Variants in TTN observed in about 807,000 individuals in gnomAD.
TTN encodes the protein titin, also known as connectin.
In TTN, 1,525 loss-of-function variants were observed where a neutral mutation model predicts 3,223.0. The observed-to-expected ratio is 0.47, with a 90% CI of 0.45 to 0.49. The LOEUF (loss-of-function observed/expected upper bound fraction) is 0.49. TTN is among the 20% of genes least tolerant of loss of function. TTN has a pLI of 0.00. For synonymous variants in TTN, 14,094 were observed against 15,161.0 expected (o/e 0.93, Z 5.17); for missense variants, 40,786 against 43,424.0 (o/e 0.94, Z 5.40).
In TTN at chr2:178,565,728, C is replaced by T; in HGVS notation, c.80404G>A (p.Glu26802Lys). Residue 26802 changes from glutamate to lysine, a missense_variant, in exon 326 of 363, where the codon GAG becomes AAG. By Grantham distance (56) the Glu-to-Lys change is moderately conservative (BLOSUM62 1). Coordinates refer to ENST00000589042, the MANE Select transcript of TTN (RefSeq NM_001267550.2). ...CTACCGCCATCATGTTCAGGTTTCT[C>T]CCACATAAGTGATGCACTGGTCTGG... is the stretch of plus-strand genomic sequence containing the variant. ...VSQTSASLMW[E>K]KPEHDGGSRV... is the part of the protein sequence containing the mutation. 1.2e-6 allele frequency: 2 copies of T among 1,613,578 alleles called. No homozygotes were observed. The highest frequency in any genetic ancestry group is 8.5e-7 in the Non-Finnish European group (1 of 1,179,644).
At chr2:178,709,498 A>C in intron 99 of TTN, 68 bp downstream of exon 99, 2 of 1,478,894 alleles carry the variant, frequency 1.4e-6, no homozygotes, top group East Asian at 4.6e-5. Context: ...TATCATAAGA[A>C]ATGCTCATGG....
intron 54 of TTN, 36 bp downstream of exon 54, chr2:178,733,203 A>G (rs1417490875): frequency 1.3e-6 from 2 of 1,558,714 alleles, no homozygotes; most frequent in Non-Finnish European, 1.7e-6. Flanking sequence ...TTGGGTTTCA[A>G]ATGCATATGT....
In TTN at chr2:178,607,488, C is replaced by T; in HGVS notation, c.53200G>A (p.Ala17734Thr). 6.2e-7 allele frequency: 1 copy of T among 1,613,296 alleles called. No homozygotes were observed. The highest frequency in any genetic ancestry group is 1.7e-5 in the Admixed American group (1 of 59,988). Reference protein sequence around the residue: ...GTKSELIIKDALRKDHGRYVI... With the variant: ...GTKSELIIKDTLRKDHGRYVI... Reference sequence around the variant, plus strand: ...TATCTGCCATGGTCTTTTCGCAGTGCATCCTTGATAATTAGTTCAGATTTG... The same window carrying T: ...TATCTGCCATGGTCTTTTCGCAGTGTATCCTTGATAATTAGTTCAGATTTG... Residue 17734 changes from alanine (A) to threonine (T), a missense_variant, in exon 277 of 363, where the codon GCA becomes ACA. Coordinates refer to ENST00000589042, the MANE Select transcript of TTN (RefSeq NM_001267550.2).
chr2:178,653,198 A>G lies in TTN; in HGVS notation c.38791+40T>C, dbSNP rs779574763. On this transcript the variant is annotated intron_variant, in intron 198 of 362. Transcript: ENST00000589042. ...GGAACAAAATGTCTTCAACTGCAAAAGAATTAGATCATCTGAAGCCTAAGG... is the reference window on the plus strand; with the variant it reads ...GGAACAAAATGTCTTCAACTGCAAAGGAATTAGATCATCTGAAGCCTAAGG... The G allele has an allele frequency of 3.1e-6, 5 of 1,610,632 alleles. No homozygotes were observed. The Admixed American group carries it at 8.4e-5, about 27-fold the overall frequency.
rs1244376906 is a variant in TTN, at chr2:178,612,398, C to G, written c.50127G>C (p.Lys16709Asn). The G allele has an allele frequency of 6.2e-7, 1 of 1,612,402 alleles. No homozygotes were observed. The highest frequency in any genetic ancestry group is 8.5e-7 in the Non-Finnish European group (1 of 1,179,220). Residue 16709 changes from lysine to asparagine, a missense_variant, in exon 266 of 363, where the codon AAG becomes AAC. Lys to Asn is a moderately conservative substitution (Grantham distance 94, BLOSUM62 0). Transcript: ENST00000589042. ...QTVDTTVKDT[K>N]CTVTPLTEGS... ...CCTCAGTCAGTGGGGTGACTGTGCA[C>G]TTGGTGTCCTTGACAGTGGTATCCA...
chr2:178,724,320 T>A lies in TTN; in HGVS notation c.21055A>T (p.Thr7019Ser), dbSNP rs1310121479. Residue 7019 changes from threonine (T) to serine (S), a missense_variant, in exon 72 of 363, where the codon ACT becomes TCT. Thr to Ser is a moderately conservative substitution (Grantham distance 58). Coordinates refer to ENST00000589042, the MANE Select transcript of TTN (RefSeq NM_001267550.2). ...CCAACATTATTTTGAACCTGGAAAG[T>A]GTATGTGCCTGCATCTTGCCTTTCA... ...SVERQDAGTYTFQVQNNVGKS... is the reference protein window; with the variant it reads ...SVERQDAGTYSFQVQNNVGKS... 2 of 1,613,546 alleles carry A rather than the reference T, an allele frequency of 1.2e-6. No homozygotes were observed. Among genetic ancestry groups the A allele is most frequent in the Admixed American group, 1.7e-5 (1 of 59,970 alleles).
At chr2:178,782,778 T>C (rs753347231) in intron 18 of TTN, 28 bp downstream of exon 18, 12 of 1,612,142 alleles carry the variant, frequency 7.4e-6, no homozygotes, top group Non-Finnish European at 8.5e-6. Flanking sequence ...GGCATGTGCA[T>C]TAGGACTGTG....
intron 49 of TTN, 125 bp downstream of exon 49, chr2:178,737,957 G>T: frequency 8.1e-7 from 1 of 1,241,472 alleles, no homozygotes; most frequent in Non-Finnish European, 1.1e-6. Context: ...TACCTACCAT[G>T]TTACTGTCTT....
chr2:178,550,840 A>G, intron 336 of TTN, 127 bp downstream of exon 336: 7 of 813,230 alleles, frequency 8.6e-6, no homozygotes, highest in Non-Finnish European at 1.1e-5. Context: ...GTAGAAAGAC[A>G]TAATTCATCC....
intron 46 of TTN, among the ~76,000 whole-genome samples, chr2:178,754,404 A>ATG (rs35633227): frequency 6.6e-6 from 1 of 152,176 alleles, no homozygotes; most frequent in Non-Finnish European, 1.5e-5. Flanking sequence ...GTTCAAAAAA[A>ATG]TTCTTTTGCT....
At chr2:178,704,484 T>G (rs758910910) in intron 105 of TTN, 26 bp downstream of exon 105, 1 of 1,598,530 alleles carries the variant, frequency 6.3e-7, no homozygotes, top group Admixed American at 1.7e-5. Flanking sequence ...ATCTCACAAG[T>G]ATTTCATAAG....
intron 47 of TTN, among the ~76,000 whole-genome samples, chr2:178,742,711 T>G (rs1024939242): frequency 6.6e-6 from 1 of 152,114 alleles, no homozygotes; most frequent in African/African-American, 2.4e-5. Context: ...ATGAAAGACA[T>G]GTAATTTTAA....
At position 178,586,600 on chromosome 2, in the gene TTN, C is replaced by T; in HGVS notation, c.64301G>A (p.Gly21434Glu). The change falls in exon 308 of 363, where the codon GGA becomes GAA. Residue 21434 changes from glycine to glutamate, a missense_variant. By Grantham distance (98) the Gly-to-Glu change is moderately conservative. Coordinates refer to ENST00000589042, the MANE Select transcript of TTN (RefSeq NM_001267550.2). ...LSLVVTGLKE[G>E]KKYKFRVAAR... ...CGCTACTCTAAATTTGTATTTCTTTCCTTCCTTTAGGCCAGTGACAACAAG... is the reference window on the plus strand; with the variant it reads ...CGCTACTCTAAATTTGTATTTCTTTTCTTCCTTTAGGCCAGTGACAACAAG... 2 of 1,613,198 alleles carry T rather than the reference C, an allele frequency of 1.2e-6. No homozygotes were observed. Among genetic ancestry groups the T allele is most frequent in the Non-Finnish European group, 1.7e-6 (2 of 1,179,412 alleles).
At chr2:178,748,969 A>T (rs749996737) in intron 47 of TTN, 2 of 1,612,542 alleles carry the variant, frequency 1.2e-6, no homozygotes, top group Admixed American at 3.3e-5. Flanking sequence ...ATGTTCTGGT[A>T]GGTCTTTTTT....
In TTN at chr2:178,689,501, A is replaced by T. The variant is rs762249972; in HGVS notation, c.31927+14T>A. On this transcript the variant is annotated intron_variant, in intron 123 of 362. Transcript: ENST00000589042. ...GGAAAGACAAGGTTATTTCATGGAGATGGGATTAAGTACCTGCTGGTGGTG... is the reference window on the plus strand; with the variant it reads ...GGAAAGACAAGGTTATTTCATGGAGTTGGGATTAAGTACCTGCTGGTGGTG... 1 of 1,607,130 alleles carries T rather than the reference A, an allele frequency of 6.2e-7. No homozygotes were observed. The highest frequency in any genetic ancestry group is 1.3e-5 in the African/African-American group (1 of 74,818).
In TTN at chr2:178,633,413, C is replaced by T. The variant is rs763386894; in HGVS notation, c.42946G>A (p.Ala14316Thr). ...AATTTTACATTGTTGAGCAACTCAC[C>T]CTCAACAGTAACATTTGCCTTGGTC... ...DKTKANVTVE[A>T]RLIKVEKPLY... Residue 14316 changes from alanine to threonine, a missense_variant and splice_region_variant, in exon 232 of 363, where the codon GCT becomes ACT. By Grantham distance (58) the Ala-to-Thr change is moderately conservative (BLOSUM62 0). Coordinates refer to ENST00000589042, the MANE Select transcript of TTN (RefSeq NM_001267550.2). 3 of 1,613,328 alleles carry T rather than the reference C, an allele frequency of 1.9e-6. No individual in the cohort carries two copies. The highest frequency in any genetic ancestry group is 2.2e-5 in the East Asian group (1 of 44,758).
At chr2:178,751,230 A>T (rs1253125917) in intron 47 of TTN, 2 of 1,609,542 alleles carry the variant, frequency 1.2e-6, no homozygotes, top group African/African-American at 2.7e-5. Flanking sequence ...ATTTCAGAAG[A>T]CGTATCTAAA....
At chr2:178,669,504 C>T (rs2066582900) in intron 158 of TTN, 57 bp from the exon 159 acceptor site, 1 of 1,579,100 alleles carries the variant, frequency 6.3e-7, no homozygotes, top group African/African-American at 1.4e-5. Context: ...ATACGAAATA[C>T]AAGGATTTAA....
At position 178,741,493 on chromosome 2, in the gene TTN, C is replaced by T. The variant is rs974036901; in HGVS notation, c.11740G>A (p.Glu3914Lys). 6.2e-7 allele frequency: 1 copy of T among 1,613,736 alleles called. No individual in the cohort carries two copies. Among genetic ancestry groups the T allele is most frequent in the Non-Finnish European group, 8.5e-7 (1 of 1,179,834 alleles). ...TCTGTTTCAGTGTCTTTGTGACCCT[C>T]TCCTTTGGAATTAATTTTTAGATAG... ...SAYLKINSKG[E>K]GHKDTETESA... The change falls in exon 48 of 363, where the codon GAG becomes AAG. Residue 3914 changes from glutamate (E) to lysine (K), a missense_variant. Transcript: ENST00000589042.
Sources: allele counts gnomAD v4.1 joint callset (sites outside exome capture counted in the v4.1 genomes callset), GRCh38; gene constraint gnomAD v4.1.1; transcripts MANE v1.5; gene names NCBI Gene and HGNC (gene_info 2026-07-23, HGNC 2026-07-21).